The following SDC3 variants were observed in gnomAD, a reference collection of about 807,000 sequenced individuals.
SDC3 encodes syndecan-3.
In SDC3, 13 loss-of-function variants were observed where a neutral mutation model predicts 24.4. The observed-to-expected ratio is 0.53, with a 90% CI of 0.35 to 0.85. The LOEUF (loss-of-function observed/expected upper bound fraction) is 0.85. Among genes scored for constraint, SDC3 ranks in the 40% least tolerant of loss-of-function variants. The probability of loss-of-function intolerance (pLI) is 0.01; values close to 1 mark genes in which losing one functional copy is unlikely to be tolerated. For missense variants in SDC3, 571 were observed against 584.5 expected (o/e 0.98, Z 0.24); for synonymous variants, 295 against 260.9 (o/e 1.13, Z -1.26).
In SDC3 at chr1:30,869,536, CAA is replaced by C. The variant is rs11338317; in HGVS notation, c.*3673_*3674del. On this transcript the variant is annotated 3_prime_UTR_variant, in exon 5 of 5. Coordinates refer to ENST00000339394, the MANE Select transcript of SDC3 (RefSeq NM_014654.4). ...AGGAAGTGTTAAAAAAACAAACAAA[CAA>C]AAAAAAAAAAAAAAAAAAAAAAACA... The C allele has an allele frequency of 0.016, 5,598 of 343,412 alleles. 21 individuals are homozygous for C. The highest frequency in any genetic ancestry group is 0.03 in the African/African-American group (1,152 of 38,256). The allele number at this position is 343,412 out of a possible 1,614,324, so 21.3% of individuals were successfully genotyped here.
At chr1:30,881,997 C>T (rs570829608) in intron 1 of SDC3, among the ~76,000 whole-genome samples, 44 of 152,280 alleles carry the variant, frequency 2.9e-4, no homozygotes, top group African/African-American at 7.7e-4. Flanking sequence ...CACACCCACG[C>T]GCCAGCACAC....
intron 1 of SDC3, among the ~76,000 whole-genome samples, chr1:30,895,233 G>A (rs1172222735): frequency 6.6e-6 from 1 of 152,164 alleles, no homozygotes; most frequent in African/African-American, 2.4e-5. Flanking sequence ...CACACATGTT[G>A]CAGGTACACG....
chr1:30,882,965 G>A (rs1367893504), intron 1 of SDC3, among the ~76,000 whole-genome samples: 2 of 152,166 alleles, frequency 1.3e-5, no homozygotes, highest in African/African-American at 4.8e-5. Context: ...CACAGGACCC[G>A]ACACCAAGTG....
Position 30,876,837 on chromosome 1 carries a change from A to C in SDC3, c.585T>G (p.Pro195=). ...TTATAACAGCAGTGGTGGCCGTAAA[A>C]GGGGGTGCTGCAGGGGTGCTGGGGG... ...TATPSTPAAP[P]FTATTAVIRT... The change falls in exon 3 of 5, where the codon CCT becomes CCG. Residue 195 remains proline, a synonymous_variant. Transcript: ENST00000339394. The C allele has an allele frequency of 6.2e-7, 1 of 1,611,756 alleles. No homozygotes were observed. Among genetic ancestry groups the C allele is most frequent in the Non-Finnish European group, 8.5e-7 (1 of 1,179,042 alleles).
chr1:30,898,968 C>T (rs906776834), intron 1 of SDC3, among the ~76,000 whole-genome samples: 1 of 152,228 alleles, frequency 6.6e-6, no homozygotes, highest in African/African-American at 2.4e-5. Flanking sequence ...TTTTAACCAT[C>T]TGCACCTCCC....
chr1:30,874,146 G>C, intron 4 of SDC3, 151 bp downstream of exon 4: 1 of 633,802 alleles, frequency 1.6e-6, no homozygotes. Context: ...AGGTCCTGGG[G>C]GGTTGAGTTC....
chr1:30,887,468 T>C (rs982315661), intron 1 of SDC3, among the ~76,000 whole-genome samples: 12 of 152,124 alleles, frequency 7.9e-5, no homozygotes, highest in Non-Finnish European at 1.2e-4. Flanking sequence ...CTAGTGGTGA[T>C]AGGCAGTTAG....
At position 30,879,039 on chromosome 1, in the gene SDC3, T is replaced by C. The variant is rs543753740; in HGVS notation, c.139-299A>G. 23 of 327,678 alleles carry C rather than the reference T, an allele frequency of 7.0e-5. 1 individual carries two copies. In the South Asian group the frequency reaches 8.7e-4, roughly 12 times the overall value. 20.3% of individuals were successfully genotyped at this position (327,678 alleles called of 1,614,324 possible). A position where few individuals can be genotyped will look rare whatever the true frequency, so the allele number is the denominator to read the frequency against. On this transcript the variant is annotated intron_variant, in intron 1 of 4. Coordinates refer to ENST00000339394, the MANE Select transcript of SDC3 (RefSeq NM_014654.4). The stretch of plus-strand genomic sequence containing the variant: ...TGAATATTGTGAAAACTAAATTCAG[T>C]GGTTCAGTAGGTCTGGGGTGGTCTC...
intron 3 of SDC3, 46 bp downstream of exon 3, chr1:30,876,506 C>T: frequency 2.9e-6 from 4 of 1,366,358 alleles, no homozygotes; most frequent in Non-Finnish European, 4.0e-6. Flanking sequence ...CCTCCCCTGA[C>T]CCACCCTCCT....
intron 1 of SDC3, among the ~76,000 whole-genome samples, chr1:30,891,506 C>G (rs889487691): frequency 5.3e-5 from 8 of 152,172 alleles, no homozygotes; most frequent in Admixed American, 1.3e-4. Flanking sequence ...AGGTATGAAG[C>G]CTAAAACCCC....
At chr1:30,893,881 C>T (rs1363270812) in intron 1 of SDC3, among the ~76,000 whole-genome samples, 6 of 152,102 alleles carry the variant, frequency 3.9e-5, no homozygotes, top group Non-Finnish European at 8.8e-5. Context: ...ACTGCATCTC[C>T]GAAGGAATCC....
intron 1 of SDC3, among the ~76,000 whole-genome samples, chr1:30,891,947 C>T (rs1639911900): frequency 6.6e-6 from 1 of 151,848 alleles, no homozygotes; most frequent in Non-Finnish European, 1.5e-5. Flanking sequence ...AGTGGGGAGG[C>T]CAAGAACTCT....
At chr1:30,888,249 T>A (rs902729633) in intron 1 of SDC3, among the ~76,000 whole-genome samples, 1 of 152,172 alleles carries the variant, frequency 6.6e-6, no homozygotes, top group African/African-American at 2.4e-5. Context: ...GATTCAGGAC[T>A]GGAGCAGGGA....
In SDC3 at chr1:30,869,615, G is replaced by C. The variant is rs892800517; in HGVS notation, c.*3596C>G. ...CTGGAACAGGAGAGTACCCGCAGTG[G>C]GGCAGGCGCCTTGGTCTCTTTTTTC... is the stretch of plus-strand genomic sequence containing the variant. On this transcript the variant is annotated 3_prime_UTR_variant, in exon 5 of 5. Coordinates refer to ENST00000339394, the MANE Select transcript of SDC3 (RefSeq NM_014654.4). 2 of 398,292 alleles carry C rather than the reference G, an allele frequency of 5.0e-6. No individual in the cohort carries two copies. The highest frequency in any genetic ancestry group is 8.8e-5 in the Admixed American group (2 of 22,706). 24.7% of individuals were successfully genotyped at this position (398,292 alleles called of 1,614,324 possible).
intron 3 of SDC3, among the ~76,000 whole-genome samples, chr1:30,875,772 G>C (rs533101907): frequency 1.3e-5 from 2 of 152,202 alleles, no homozygotes; most frequent in Non-Finnish European, 2.9e-5. Context: ...CAACTGCCTG[G>C]GTTCAAATCC....
At chr1:30,908,842 G>T, upstream of SDC3, 1 of 804 alleles carries the variant, frequency 1.2e-3, no homozygotes, top group South Asian at 2.6e-3. Flanking sequence ...GAGGGGCCCG[G>T]GGCGGGGCGG....
In SDC3 at chr1:30,908,561, G is replaced by A; in HGVS notation, c.26C>T (p.Ala9Val). 1 of 976,620 alleles carries A rather than the reference G, an allele frequency of 1.0e-6. No individual in the cohort carries two copies. The highest frequency in any genetic ancestry group is 4.6e-5 in the South Asian group (1 of 21,776). 60.5% of individuals were successfully genotyped at this position (976,620 alleles called of 1,614,324 possible). A position where few individuals can be genotyped will look rare whatever the true frequency, so the allele number is the denominator to read the frequency against. The change falls in exon 1 of 5, where the codon GCC becomes GTC. Residue 9 changes from alanine to valine, a missense_variant. Physicochemically the swap from Ala to Val is moderately conservative, Grantham distance 64 (BLOSUM62 0). Coordinates refer to ENST00000339394, the MANE Select transcript of SDC3 (RefSeq NM_014654.4). ...GGCGCCGGCCCCGTGGGCGGCCCCG[G>A]CACGGTGCGGCGGCCCCGGCTTCAT... is the stretch of plus-strand genomic sequence containing the variant. MKPGPPHRAGAAHGAGAGA... is the reference protein window; with the variant it reads MKPGPPHRVGAAHGAGAGA...
rs200858617 is a variant in SDC3 at position 30,876,889 on chromosome 1, G to A, written c.533C>T (p.Thr178Ile). Residue 178 changes from threonine to isoleucine, a missense_variant, in exon 3 of 5, where the codon ACA becomes ATA. Physicochemically the swap from Thr to Ile is moderately conservative, Grantham distance 89 (BLOSUM62 -1). This residue lies in a region of SDC3 where 497 missense variants were observed against 471.6 expected (regional missense o/e 1.05). Transcript: ENST00000339394. ...ATSTGDPTVA[T>I]VPATVATATP... ...GGCGGTGGCCACTGTGGCAGGCACT[G>A]TGGCCACAGTCGGGTCCCCTGTGCT... The A allele has an allele frequency of 3.6e-4, 573 of 1,613,546 alleles. 3 individuals carry two copies. The East Asian group carries it at 0.012, about 34-fold the overall frequency.
chr1:30,884,195 G>T (rs982857572), intron 1 of SDC3, among the ~76,000 whole-genome samples: 1 of 152,130 alleles, frequency 6.6e-6, no homozygotes, highest in African/African-American at 2.4e-5. Flanking sequence ...AAGGGGCTAT[G>T]GAGCCCAAGT....
Sources: gnomAD v4.1 joint callset for allele counts (sites outside exome capture counted in the v4.1 genomes callset) on GRCh38, gnomAD v4.1.1 for gene constraint, gnomAD v4.1.1 regional missense constraint, MANE v1.5 for transcripts, NCBI Gene and HGNC (gene_info 2026-07-23, HGNC 2026-07-21) for gene names.